The following ENKUR variants were observed in gnomAD, a reference collection of about 807,000 sequenced individuals.
The protein encoded by ENKUR is enkurin, TRPC channel interacting protein, also known as enkurin.
In ENKUR, 19 loss-of-function variants were observed where a neutral mutation model predicts 27.6. The ratio of observed to expected loss-of-function variants is 0.69; its 90% CI spans 0.48 to 1.01. ENKUR has a LOEUF of 1.01. ENKUR is among the 50% of genes least tolerant of loss of function. The pLI is 0.00. For missense variants in ENKUR, 312 were observed against 310.5 expected (o/e 1.00, Z -0.04); for synonymous variants, 117 against 96.9 (o/e 1.21, Z -1.22).
chr10:24,989,474 G>T (rs1849878355), intron 4 of ENKUR, among the ~76,000 whole-genome samples: 1 of 152,188 alleles, frequency 6.6e-6, no homozygotes, highest in South Asian at 2.1e-4. Context: ...GGTGACTAGT[G>T]CCTTGGAACC....
chr10:25,035,478 C>T (rs1850996971), intron 2 of ENKUR, among the ~76,000 whole-genome samples: 1 of 151,914 alleles, frequency 6.6e-6, no homozygotes, highest in Admixed American at 6.6e-5. Flanking sequence ...TCGCTTGAAT[C>T]CAGGAGGTGG....
At chr10:25,059,954 G>C (rs1039801167) in intron 2 of ENKUR, among the ~76,000 whole-genome samples, 1 of 152,146 alleles carries the variant, frequency 6.6e-6, no homozygotes, top group South Asian at 2.1e-4. Flanking sequence ...ATTTTGCCTC[G>C]GGCAGCCTTG....
At chr10:24,998,358 CCT>C (rs34059986) in intron 2 of ENKUR, among the ~76,000 whole-genome samples, 41,580 of 116,900 alleles carry the variant, frequency 0.36, 7,260 homozygotes, top group East Asian at 0.51. Flanking sequence ...TTCCTTCCTT[CCT>C]CTCTCTCTCT....
At chr10:25,061,481 C>T (rs946075790) in intron 1 of ENKUR, 1 of 258,868 alleles carries the variant, frequency 3.9e-6, no homozygotes, top group African/African-American at 2.2e-5. Flanking sequence ...TCCCCCGCCA[C>T]CACCATTTCT....
At chr10:25,040,892 G>C (rs1049530061) in intron 2 of ENKUR, among the ~76,000 whole-genome samples, 1 of 152,150 alleles carries the variant, frequency 6.6e-6, no homozygotes, top group Non-Finnish European at 1.5e-5. Flanking sequence ...ACATACATAA[G>C]TGCATCCTTT....
intron 2 of ENKUR, among the ~76,000 whole-genome samples, chr10:25,031,311 C>A (rs967613107): frequency 1.3e-5 from 2 of 152,140 alleles, no homozygotes; most frequent in Non-Finnish European, 2.9e-5. Flanking sequence ...CATAAGGGTG[C>A]TAGACACTTC....
chr10:24,989,128 G>A (rs1161286270), intron 4 of ENKUR, among the ~76,000 whole-genome samples: 1 of 152,092 alleles, frequency 6.6e-6, no homozygotes, highest in East Asian at 1.9e-4. Flanking sequence ...CATCATTTAG[G>A]TGTAAAAACC....
At chr10:25,018,431 C>T (rs993207173), upstream of ENKUR, among the ~76,000 whole-genome samples, 26 of 152,116 alleles carry the variant, frequency 1.7e-4, no homozygotes, top group African/African-American at 6.0e-4. Context: ...CTTTTTAGGC[C>T]AAGTGGTTAT....
intron 1 of ENKUR, among the ~76,000 whole-genome samples, chr10:25,061,775 T>C (rs905868438): frequency 2.6e-5 from 4 of 152,196 alleles, no homozygotes; most frequent in Non-Finnish European, 5.9e-5. Flanking sequence ...GACCTAGGCC[T>C]GCACATTCTT....
At chr10:25,018,470 G>A (rs1394359952), upstream of ENKUR, among the ~76,000 whole-genome samples, 1 of 152,116 alleles carries the variant, frequency 6.6e-6, no homozygotes, top group African/African-American at 2.4e-5. Flanking sequence ...TGCCATTGTA[G>A]CTCAAAAGCA....
At chr10:25,009,405 A>C (rs1850388171) in intron 1 of ENKUR, among the ~76,000 whole-genome samples, 1 of 152,250 alleles carries the variant, frequency 6.6e-6, no homozygotes, top group South Asian at 2.1e-4. Context: ...ATGAAAATCA[A>C]TTAAAAAATA....
intron 3 of ENKUR, among the ~76,000 whole-genome samples, chr10:24,990,915 C>A (rs1005907005): frequency 6.6e-6 from 1 of 152,150 alleles, no homozygotes; most frequent in Non-Finnish European, 1.5e-5. Context: ...GCCTGGCCAA[C>A]ATGGTGAAAC....
intron 2 of ENKUR, among the ~76,000 whole-genome samples, chr10:25,029,490 A>G (rs1850909618): frequency 1.3e-5 from 2 of 152,164 alleles, no homozygotes; most frequent in South Asian, 2.1e-4. Flanking sequence ...GATGGCAAAT[A>G]TTGTTTCAAT....
upstream of ENKUR, among the ~76,000 whole-genome samples, chr10:25,018,813 A>G (rs1188759299): frequency 6.6e-6 from 1 of 152,194 alleles, no homozygotes; most frequent in Admixed American, 6.5e-5. Context: ...TGTGGATACT[A>G]AAGTTTTCAA....
At chr10:25,012,450 T>TG (rs1850468972) in intron 1 of ENKUR, among the ~76,000 whole-genome samples, 1 of 152,150 alleles carries the variant, frequency 6.6e-6, no homozygotes, top group Non-Finnish European at 1.5e-5. Context: ...GCAGCCGGAA[T>TG]GGGGGCTGTA....
At chr10:25,051,698 T>G (rs1176212537) in intron 2 of ENKUR, among the ~76,000 whole-genome samples, 1 of 152,216 alleles carries the variant, frequency 6.6e-6, no homozygotes, top group African/African-American at 2.4e-5. Context: ...CCTCCGGTAC[T>G]GGGGATTACA....
At chr10:25,059,130 T>G (rs756271409) in intron 2 of ENKUR, among the ~76,000 whole-genome samples, 2 of 142,084 alleles carry the variant, frequency 1.4e-5, no homozygotes, top group Non-Finnish European at 3.0e-5. Flanking sequence ...TTCTTTTTCT[T>G]TCTTTTTTTT....
intron 1 of ENKUR, among the ~76,000 whole-genome samples, chr10:25,012,534 T>C (rs1321833869): frequency 6.6e-6 from 1 of 152,256 alleles, no homozygotes; most frequent in African/African-American, 2.4e-5. Flanking sequence ...GACCTGGATG[T>C]GAGACATGGA....
chr10:25,043,670 A>T (rs1851089399), intron 2 of ENKUR, among the ~76,000 whole-genome samples: 1 of 152,060 alleles, frequency 6.6e-6, no homozygotes, highest in South Asian at 2.1e-4. Context: ...TATTTTTTCA[A>T]ATAATTTTTC....
Sources: allele counts gnomAD v4.1 joint callset (sites outside exome capture counted in the v4.1 genomes callset), GRCh38; gene constraint gnomAD v4.1.1; transcripts MANE v1.5; gene names NCBI Gene and HGNC (gene_info 2026-07-23, HGNC 2026-07-21).